LPA: variants seen among roughly 807,000 people sequenced by gnomAD.
LPA encodes the protein apolipoprotein(a).
Under a neutral mutation model 197.9 loss-of-function variants are expected in LPA, and 199 were observed. The ratio of observed to expected loss-of-function variants is 1.01; its 90% CI spans 0.90 to 1.13. The LOEUF (loss-of-function observed/expected upper bound fraction) is 1.13, where lower values mean the gene tolerates loss of function less well. Among genes scored for constraint, LPA ranks in the 50% most tolerant of loss-of-function variants. The probability of loss-of-function intolerance (pLI) is 0.00; values close to 1 mark genes in which losing one functional copy is unlikely to be tolerated. For missense variants in LPA, 1,853 were observed against 1,785.8 expected, an observed-to-expected ratio of 1.04 and a Z score of -0.68; for synonymous variants, 715 against 639.5, an observed-to-expected ratio of 1.12 and a Z score of -1.78.
chr6:160,659,864 A>G (rs939292760), intron 1 of LPA, among the ~76,000 whole-genome samples: 1 of 151,908 alleles, frequency 6.6e-6, no homozygotes, highest in Non-Finnish European at 1.5e-5. Context: ...TCCTGAGCCC[A>G]TACTTTAATC....
At chr6:160,605,820 C>A (rs1174904034) in intron 17 of LPA, among the ~76,000 whole-genome samples, 1 of 152,094 alleles carries the variant, frequency 6.6e-6, no homozygotes, top group Non-Finnish European at 1.5e-5. Flanking sequence ...CTCTCATGAC[C>A]CACATCCTGA....
chr6:160,547,975 A>G (rs199693428), intron 31 of LPA, 38 bp from the exon 32 acceptor site: 1 of 1,609,124 alleles, frequency 6.2e-7, no homozygotes, highest in Non-Finnish European at 8.5e-7. Context: ...ATGATTACAG[A>G]CAGCCAGGCA....
chr6:160,580,002 C>T (rs1171490983), intron 26 of LPA, among the ~76,000 whole-genome samples: 1 of 152,156 alleles, frequency 6.6e-6, no homozygotes, highest in Non-Finnish European at 1.5e-5. Flanking sequence ...TTTTCACCAC[C>T]CCAGAAACTC....
At chr6:160,656,904 A>C (rs1780142282) in intron 1 of LPA, among the ~76,000 whole-genome samples, 1 of 152,124 alleles carries the variant, frequency 6.6e-6, no homozygotes, top group Admixed American at 6.5e-5. Flanking sequence ...TTTCCCATCA[A>C]TTTCACTTCT....
intron 16 of LPA, among the ~76,000 whole-genome samples, 153 bp downstream of exon 16, chr6:160,611,409 C>A (rs1405950545): frequency 6.6e-6 from 1 of 152,094 alleles, no homozygotes; most frequent in Non-Finnish European, 1.5e-5. Flanking sequence ...TTCTCTCAGA[C>A]CCTTAGCTCC....
intron 23 of LPA, among the ~76,000 whole-genome samples, chr6:160,590,573 G>A (rs1487800196): frequency 6.6e-6 from 1 of 152,318 alleles, no homozygotes; most frequent in Non-Finnish European, 1.5e-5. Context: ...TTTGCAATGA[G>A]TACTGTCTAC....
intron 28 of LPA, among the ~76,000 whole-genome samples, chr6:160,559,228 A>G (rs776098979): frequency 6.6e-6 from 1 of 152,204 alleles, no homozygotes; most frequent in Non-Finnish European, 1.5e-5. Flanking sequence ...GGTTTCTTTC[A>G]ACAGAAATTA....
intron 28 of LPA, among the ~76,000 whole-genome samples, chr6:160,569,222 C>T (rs1335162652): frequency 6.6e-6 from 1 of 152,214 alleles, no homozygotes; most frequent in Non-Finnish European, 1.5e-5. Flanking sequence ...CTCTGCCTGA[C>T]TTCAAACTAC....
At chr6:160,661,507 G>T (rs1253891489) in intron 1 of LPA, among the ~76,000 whole-genome samples, 1 of 152,182 alleles carries the variant, frequency 6.6e-6, no homozygotes, top group Non-Finnish European at 1.5e-5. Context: ...CCTCCTGAGA[G>T]TACACAGACC....
chr6:160,595,476 G>C lies in LPA; in HGVS notation c.3347C>G (p.Thr1116Ser), dbSNP rs766717857. Residue 1116 changes from threonine to serine, a missense_variant, in exon 21 of 39, where the codon ACC (threonine) becomes AGC (serine). By Grantham distance (58) the Thr-to-Ser change is moderately conservative. This residue lies in a region of LPA where 1,737 missense variants were observed against 1,504.4 expected (regional missense o/e 1.15). Coordinates refer to ENST00000316300, the MANE Select transcript of LPA (RefSeq NM_005577.4). Reference protein sequence around the residue: ...PDAEIRPWCYTMDPSVRWEYC... With the variant: ...PDAEIRPWCYSMDPSVRWEYC... ...CTCCCACCTGACACTGGGATCCATGGTGTAACACCAAGGGCGAATCTCAGC... is the reference window on the plus strand; with the variant it reads ...CTCCCACCTGACACTGGGATCCATGCTGTAACACCAAGGGCGAATCTCAGC... 6.2e-7 allele frequency: 1 copy of C among 1,613,918 alleles called. No homozygotes were observed. Among genetic ancestry groups the C allele is most frequent in the African/African-American group, 1.3e-5 (1 of 74,994 alleles).
chr6:160,541,599 C>A (rs934862983), intron 34 of LPA, among the ~76,000 whole-genome samples: 13 of 152,202 alleles, frequency 8.5e-5, no homozygotes, highest in Non-Finnish European at 1.6e-4. Flanking sequence ...CGATCCTGAG[C>A]AGCAGTGACT....
chr6:160,662,437 T>C (rs1484247973), intron 1 of LPA, among the ~76,000 whole-genome samples: 1 of 152,182 alleles, frequency 6.6e-6, no homozygotes, highest in Non-Finnish European at 1.5e-5. Flanking sequence ...TCCCCGGGCA[T>C]TCCAGCACAC....
At chr6:160,588,712 C>T (rs1778964785) in intron 24 of LPA, among the ~76,000 whole-genome samples, 2 of 152,178 alleles carry the variant, frequency 1.3e-5, no homozygotes, top group African/African-American at 4.8e-5. Flanking sequence ...TGAGGCATCG[C>T]AGACTCCAGT....
At chr6:160,557,345 A>C (rs1347155733) in intron 29 of LPA, 45 bp downstream of exon 29, 1 of 1,604,838 alleles carries the variant, frequency 6.2e-7, no homozygotes, top group African/African-American at 1.3e-5. Flanking sequence ...ATCTCTTTTC[A>C]TCCCAATGTT....
At position 160,605,285 on chromosome 6, in the gene LPA, GAA is replaced by G. The variant is rs1166762778; in HGVS notation, c.2786-82_2786-81del. On this transcript the variant is annotated intron_variant, in intron 17 of 38. Transcript: ENST00000316300. ...GTGAAGCCACTTATGGCACAAACCA[GAA>G]AAAAGTCTCTGAGAATTATGACCTC... The G allele has an allele frequency of 3.3e-6, 5 of 1,530,666 alleles. No individual in the cohort carries two copies. In the East Asian group the frequency reaches 1.1e-4, roughly 34 times the overall value. 94.8% of individuals were successfully genotyped at this position (1,530,666 alleles called of 1,614,324 possible).
intron 34 of LPA, among the ~76,000 whole-genome samples, chr6:160,541,615 G>A (rs1777983075): frequency 6.6e-6 from 1 of 152,202 alleles, no homozygotes. Context: ...TGACTCATGA[G>A]GGTCTTCTGA....
intron 20 of LPA, among the ~76,000 whole-genome samples, chr6:160,598,481 G>A (rs1779173777): frequency 6.6e-6 from 1 of 152,126 alleles, no homozygotes. Flanking sequence ...GGCATTGATG[G>A]GTTGATCTCA....
intron 28 of LPA, among the ~76,000 whole-genome samples, chr6:160,565,998 A>G (rs1265154431): frequency 6.6e-6 from 1 of 152,214 alleles, no homozygotes; most frequent in African/African-American, 2.4e-5. Context: ...GTAAAAAGAA[A>G]TGAACAAAGC....
At chr6:160,542,904 T>C in intron 33 of LPA, 96 bp from the exon 34 acceptor site, 5 of 1,536,304 alleles carry the variant, frequency 3.3e-6, no homozygotes, top group Non-Finnish European at 3.6e-6. Flanking sequence ...GTTTTTCACA[T>C]CTCAAAGGTG....
Sources: gnomAD v4.1 joint callset for allele counts (sites outside exome capture counted in the v4.1 genomes callset) on GRCh38, gnomAD v4.1.1 for gene constraint, gnomAD v4.1.1 regional missense constraint, MANE v1.5 for transcripts, NCBI Gene and HGNC (gene_info 2026-07-23, HGNC 2026-07-21) for gene names.